Variants in EXT1 observed in about 807,000 individuals in gnomAD.
EXT1 encodes the protein exostosin glycosyltransferase 1.
A neutral mutation model predicts 82.5 loss-of-function variants in EXT1; 20 were observed. The ratio of observed to expected loss-of-function variants is 0.24; its 90% confidence interval spans 0.17 to 0.35. The LOEUF (loss-of-function observed/expected upper bound fraction) is 0.35, where lower values mean the gene tolerates loss of function less well. Ranked by LOEUF, EXT1 falls within the 10% of genes least tolerant of loss-of-function variation. The pLI, the probability that EXT1 is intolerant of heterozygous loss-of-function variation, is 1.00. For missense variants in EXT1, 757 were observed against 936.5 expected, an observed-to-expected ratio of 0.81 and a Z score of 2.50; for synonymous variants, 348 against 350.8, an observed-to-expected ratio of 0.99 and a Z score of 0.09.
rs1491146564 is a variant in EXT1, at chr8:117,980,697, G to GTTTTTTTTTTTTTTTT, written c.962+129387_962+129388insAAAAAAAAAAAAAAAA. 7.3e-5 allele frequency among the ~76,000 whole-genome samples: 2 copies of GTTTTTTTTTTTTTTTT among 27,584 alleles called. 1 individual carries two copies. 18.1% of individuals were successfully genotyped at this position (27,584 alleles called of 152,430 possible). A position where few individuals can be genotyped will look rare whatever the true frequency, so the allele number is the denominator to read the frequency against. ...AAGGTTTGTTTGTTCGGGTGTTGGT[G>GTTTTTTTTTTTTTTTT]GTTTTTTTTTTTTTTTTTTTTTTTT... On this transcript the variant is annotated intron_variant, in intron 1 of 10. Coordinates refer to ENST00000378204, the MANE Select transcript of EXT1 (RefSeq NM_000127.3).
rs997422788 is a variant in EXT1, at chr8:117,795,354, T to C, written c.*4358A>G. The C allele has an allele frequency of 3.9e-5, 6 of 152,108 alleles. No individual in the cohort carries two copies. The highest frequency in any genetic ancestry group is 7.4e-5 in the Non-Finnish European group (5 of 68,024). 9.4% of individuals were successfully genotyped at this position (152,108 alleles called of 1,614,324 possible). On this transcript the variant is annotated 3_prime_UTR_variant, in exon 11 of 11. Transcript: ENST00000378204. Reference sequence around the variant, plus strand: ...TTGGAAAGGGCAAAAAGGGGAGAGATGGTTTTGAGGAGTCAAATCCATCAT... The same window carrying C: ...TTGGAAAGGGCAAAAAGGGGAGAGACGGTTTTGAGGAGTCAAATCCATCAT...
chr8:117,992,218 T>C (rs973777619), intron 1 of EXT1, among the ~76,000 whole-genome samples: 7 of 151,988 alleles, frequency 4.6e-5, no homozygotes, highest in African/African-American at 1.7e-4. Flanking sequence ...AAGGTAAACA[T>C]GGCTCAGGTC....
intron 3 of EXT1, among the ~76,000 whole-genome samples, chr8:117,830,819 T>C (rs1812086121): frequency 6.6e-6 from 1 of 152,214 alleles, no homozygotes; most frequent in African/African-American, 2.4e-5. Flanking sequence ...AGCCTTCCCA[T>C]CCAATCTGAA....
At chr8:118,079,351 T>C (rs1297372737) in intron 1 of EXT1, among the ~76,000 whole-genome samples, 3 of 152,222 alleles carry the variant, frequency 2.0e-5, no homozygotes, top group African/African-American at 7.2e-5. Context: ...AGAGTATTAA[T>C]TACTCGAATA....
intron 1 of EXT1, among the ~76,000 whole-genome samples, chr8:117,838,921 C>G (rs2129796081): frequency 6.6e-6 from 1 of 152,132 alleles, no homozygotes; most frequent in Admixed American, 6.5e-5. Flanking sequence ...CACAGAAGGT[C>G]CCACATTCTC....
intron 1 of EXT1, among the ~76,000 whole-genome samples, chr8:117,977,820 T>A (rs554873336): frequency 6.6e-6 from 1 of 151,794 alleles, no homozygotes; most frequent in South Asian, 2.1e-4. Context: ...GGGTACATAA[T>A]AAAGAATTTA....
intron 1 of EXT1, among the ~76,000 whole-genome samples, chr8:117,924,913 T>C (rs1232981380): frequency 6.6e-6 from 1 of 152,198 alleles, no homozygotes; most frequent in African/African-American, 2.4e-5. Context: ...GGGCTCCCTG[T>C]AGAATGCCCC....
chr8:117,924,000 G>A (rs1813908472), intron 1 of EXT1, among the ~76,000 whole-genome samples: 2 of 152,206 alleles, frequency 1.3e-5, no homozygotes, highest in Non-Finnish European at 2.9e-5. Context: ...AGTTAAAATA[G>A]GTGTGTTCTG....
chr8:117,927,814 G>C (rs1440491353), intron 1 of EXT1, among the ~76,000 whole-genome samples: 1 of 152,174 alleles, frequency 6.6e-6, no homozygotes, highest in Non-Finnish European at 1.5e-5. Context: ...GCTGTGTCTT[G>C]AAATCCTGAA....
intron 1 of EXT1, among the ~76,000 whole-genome samples, chr8:118,010,241 G>A (rs1243189340): frequency 3.3e-5 from 5 of 151,716 alleles, no homozygotes; most frequent in South Asian, 2.1e-4. Flanking sequence ...GCGTGGTGGC[G>A]GGCACCTGTA....
chr8:118,031,440 GC>G (rs1266991353), intron 1 of EXT1, among the ~76,000 whole-genome samples: 1 of 151,882 alleles, frequency 6.6e-6, no homozygotes, highest in African/African-American at 2.4e-5. Context: ...CAGGGGAATT[GC>G]TTGAACCTGC....
chr8:118,002,593 G>A (rs1815695316), intron 1 of EXT1, among the ~76,000 whole-genome samples: 1 of 141,094 alleles, frequency 7.1e-6, no homozygotes, highest in Non-Finnish European at 1.5e-5. Flanking sequence ...GCGCAGTGGT[G>A]CGATCTCAGC....
intron 6 of EXT1, 55 bp from the exon 7 acceptor site, chr8:117,818,585 TCCAACC>T (rs1429589571): frequency 7.6e-7 from 1 of 1,312,378 alleles, no homozygotes; most frequent in Non-Finnish European, 1.1e-6. Context: ...TATGTATGCC[TCCAACC>T]CAAAGCCTCT....
intron 9 of EXT1, among the ~76,000 whole-genome samples, chr8:117,806,299 C>T (rs1823235284): frequency 6.6e-6 from 1 of 152,198 alleles, no homozygotes; most frequent in Non-Finnish European, 1.5e-5. Flanking sequence ...AAACCCTGTC[C>T]TCCTCCCCTG....
At chr8:117,910,247 T>C (rs528448886) in intron 1 of EXT1, among the ~76,000 whole-genome samples, 8 of 152,222 alleles carry the variant, frequency 5.3e-5, no homozygotes, top group African/African-American at 1.4e-4. Context: ...AGTAAGGGCA[T>C]AGGAGGTCAA....
intron 1 of EXT1, among the ~76,000 whole-genome samples, chr8:118,093,184 C>A (rs1161408273): frequency 6.7e-6 from 1 of 149,548 alleles, no homozygotes; most frequent in African/African-American, 2.5e-5. Context: ...ACTCCCCCCA[C>A]CCCCCAAAAA....
Position 117,960,119 on chromosome 8 carries a change from G to A in EXT1, c.963-122918C>T, listed in dbSNP as rs561428604. Among the ~76,000 whole-genome samples the A allele has an allele frequency of 4.5e-4, 68 of 152,298 alleles. No individual in the cohort carries two copies. In the South Asian group the frequency reaches 9.5e-3, roughly 21 times the overall value. ...CCAGCTACTCACGAGGCTGAGGCAG[G>A]AGAATCGCTTGAACCTGGGAAGCAG... On this transcript the variant is annotated intron_variant, in intron 1 of 10. Coordinates refer to ENST00000378204, the MANE Select transcript of EXT1 (RefSeq NM_000127.3).
chr8:117,948,283 G>T (rs925785732), intron 1 of EXT1, among the ~76,000 whole-genome samples: 10 of 140,668 alleles, frequency 7.1e-5, no homozygotes, highest in African/African-American at 2.7e-4. Context: ...GCACAGCGAG[G>T]TGAGAGGCAG....
At chr8:117,980,447 G>C (rs771059925) in intron 1 of EXT1, among the ~76,000 whole-genome samples, 25 of 152,042 alleles carry the variant, frequency 1.6e-4, no homozygotes, top group Non-Finnish European at 2.6e-4. Flanking sequence ...CCAGTGATGG[G>C]GATCCTTTAT....
Sources: gnomAD v4.1 joint callset for allele counts (sites outside exome capture counted in the v4.1 genomes callset) on GRCh38, gnomAD v4.1.1 for gene constraint, MANE v1.5 for transcripts, NCBI Gene and HGNC (gene_info 2026-07-23, HGNC 2026-07-21) for gene names.